Variants in KPNA3 observed in about 807,000 individuals in gnomAD.
KPNA3 encodes importin subunit alpha-4.
A neutral mutation model predicts 73.8 loss-of-function variants in KPNA3; 13 were observed. The observed-to-expected ratio is 0.18, with a 90% CI of 0.11 to 0.28. The LOEUF is 0.28. KPNA3 is among the 10% of genes least tolerant of loss of function. The pLI is 1.00. For missense variants in KPNA3, 360 were observed against 618.1 expected, an observed-to-expected ratio of 0.58 and a Z score of 4.43; for synonymous variants, 186 against 206.9, an observed-to-expected ratio of 0.90 and a Z score of 0.87.
chr13:49,705,934 A>G (rs1014754980), intron 14 of KPNA3, 151 bp from the exon 15 acceptor site: 2 of 960,464 alleles, frequency 2.1e-6, no homozygotes, highest in East Asian at 2.6e-5. Context: ...GTGAATAGCA[A>G]CTGCACTCTA....
chr13:49,708,909 T>C (rs1384948963), intron 12 of KPNA3, among the ~76,000 whole-genome samples: 2 of 152,214 alleles, frequency 1.3e-5, no homozygotes, highest in Non-Finnish European at 2.9e-5. Flanking sequence ...AAACTAATTT[T>C]GCTGGGAGAT....
chr13:49,702,262 G>A, intron 16 of KPNA3, 124 bp downstream of exon 16: 2 of 625,078 alleles, frequency 3.2e-6, no homozygotes, highest in Non-Finnish European at 5.6e-6. Context: ...CTGATGGAAT[G>A]TCTAATAGAA....
chr13:49,722,181 A>C, intron 8 of KPNA3, 57 bp from the exon 9 acceptor site: 1 of 1,189,840 alleles, frequency 8.4e-7, no homozygotes, highest in Non-Finnish European at 1.2e-6. Flanking sequence ...AGAAAGTCTG[A>C]AATGTATGCA....
chr13:49,791,868 C>G (rs764062380), intron 1 of KPNA3, among the ~76,000 whole-genome samples: 6 of 152,110 alleles, frequency 3.9e-5, no homozygotes, highest in African/African-American at 1.5e-4. Context: ...ATCCTACCCT[C>G]CCCCATCGAT....
intron 2 of KPNA3, among the ~76,000 whole-genome samples, chr13:49,744,339 T>C (rs1478164941): frequency 6.6e-6 from 1 of 152,212 alleles, no homozygotes. Context: ...CTTGCAAATA[T>C]GATTACCAAA....
In KPNA3 at chr13:49,733,173, T is replaced by TTAAA. The variant is rs376248706; in HGVS notation, c.115-131_115-128dup. 735 of 669,030 alleles carry TTAAA rather than the reference T, an allele frequency of 1.1e-3. 3 individuals are homozygous for TTAAA. The African/African-American group carries it at 0.012, about 11-fold the overall frequency. The allele number at this position is 669,030 out of a possible 1,614,324, so 41.4% of individuals were successfully genotyped here. ...ACTGAACACATAAGGATAATATGAA[T>TTAAA]TAAATGTGCATACTGCAAACCAATG... On this transcript the variant is annotated intron_variant, in intron 2 of 16. Transcript: ENST00000261667.
At chr13:49,780,233 A>G (rs1243546921) in intron 1 of KPNA3, among the ~76,000 whole-genome samples, 1 of 152,048 alleles carries the variant, frequency 6.6e-6, no homozygotes, top group African/African-American at 2.4e-5. Flanking sequence ...AACCACACTC[A>G]TTTGTTTGCC....
At chr13:49,765,878 C>T (rs1245312075) in intron 1 of KPNA3, among the ~76,000 whole-genome samples, 1 of 152,166 alleles carries the variant, frequency 6.6e-6, no homozygotes, top group East Asian at 1.9e-4. Flanking sequence ...GTGTGTTCTG[C>T]AAGTCCCATA....
At chr13:49,705,574 C>CA in intron 15 of KPNA3, 47 bp downstream of exon 15, 1 of 1,570,386 alleles carries the variant, frequency 6.4e-7, no homozygotes, top group Non-Finnish European at 8.7e-7. Context: ...ACTTATGTTT[C>CA]AGAGTTCCAG....
intron 2 of KPNA3, among the ~76,000 whole-genome samples, chr13:49,742,436 G>A (rs546555579): frequency 3.3e-5 from 5 of 152,150 alleles, no homozygotes; most frequent in African/African-American, 9.6e-5. Context: ...CAAGTAAGCC[G>A]TAGAAAGCAA....
rs1954156442 is a variant in KPNA3, at chr13:49,702,387, T to C, written c.1466A>G (p.Asp489Gly). The stretch of plus-strand genomic sequence containing the variant: ...CACGCTATTTTAATATCTACTTACA[T>C]CATCACCAGAGAAATACTGATCTAT... The part of the protein sequence containing the change: ...EIIDQYFSGD[D>G]IDEDPCLIPE... Residue 489 changes from aspartate to glycine, a missense_variant and splice_region_variant, in exon 16 of 17, where the codon GAT becomes GGT. Asp to Gly is a moderately conservative substitution (Grantham distance 94). Coordinates refer to ENST00000261667, the MANE Select transcript of KPNA3 (RefSeq NM_002267.4). The C allele has an allele frequency of 2.2e-6, 3 of 1,387,096 alleles. No homozygotes were observed. The highest frequency in any genetic ancestry group is 2.3e-5 in the East Asian group (1 of 43,368). 85.9% of individuals were successfully genotyped at this position (1,387,096 alleles called of 1,614,324 possible). A position where few individuals can be genotyped will look rare whatever the true frequency, so the allele number is the denominator to read the frequency against.
At position 49,792,566 on chromosome 13, in the gene KPNA3, C is replaced by T. The variant is rs1189639738; in HGVS notation, c.-60G>A. 3.2e-6 allele frequency: 2 copies of T among 620,266 alleles called. No individual in the cohort carries two copies. Among genetic ancestry groups the T allele is most frequent in the South Asian group, 2.3e-5 (1 of 43,520 alleles). 38.4% of individuals were successfully genotyped at this position (620,266 alleles called of 1,614,324 possible). A position where few individuals can be genotyped will look rare whatever the true frequency, so the allele number is the denominator to read the frequency against. On this transcript the variant is annotated 5_prime_UTR_variant, in exon 1 of 17. Transcript: ENST00000261667. The stretch of plus-strand genomic sequence containing the variant: ...GGCTGCGGCGGCGGCGGCGGCGAAT[C>T]TTGGAGCGGGAGGGGGAGGAGGGGG...
intron 10 of KPNA3, among the ~76,000 whole-genome samples, chr13:49,716,427 CACTTT>C (rs981762027): frequency 1.3e-5 from 2 of 151,990 alleles, no homozygotes; most frequent in African/African-American, 4.8e-5. Flanking sequence ...GCTTCTATCA[CACTTT>C]AATTTTATTT....
At chr13:49,724,710 CCT>C (rs1954393760) in intron 7 of KPNA3, among the ~76,000 whole-genome samples, 1 of 152,176 alleles carries the variant, frequency 6.6e-6, no homozygotes, top group Non-Finnish European at 1.5e-5. Context: ...GATCCTCTCG[CCT>C]CTGTCTCCTG....
At chr13:49,724,346 C>A (rs1954388443) in intron 7 of KPNA3, among the ~76,000 whole-genome samples, 2 of 151,990 alleles carry the variant, frequency 1.3e-5, no homozygotes, top group South Asian at 4.2e-4. Context: ...CTTTGTCACC[C>A]AGGCTGGAGT....
At chr13:49,770,178 GCTTT>G (rs1410462926) in intron 1 of KPNA3, among the ~76,000 whole-genome samples, 4 of 126,062 alleles carry the variant, frequency 3.2e-5, no homozygotes, top group African/African-American at 1.2e-4. Flanking sequence ...TTTGTGGGCT[GCTTT>G]TTTTTTTTTT....
At chr13:49,707,558 T>G (rs954442633) in intron 12 of KPNA3, among the ~76,000 whole-genome samples, 15 of 96,980 alleles carry the variant, frequency 1.5e-4, no homozygotes, top group Admixed American at 1.2e-4. Flanking sequence ...AGATGGCATT[T>G]CTATGAAATT....
At chr13:49,735,074 A>C (rs935135491) in intron 2 of KPNA3, among the ~76,000 whole-genome samples, 3 of 152,148 alleles carry the variant, frequency 2.0e-5, no homozygotes, top group African/African-American at 7.2e-5. Context: ...TTTAAATTGA[A>C]AACATCCTAA....
chr13:49,719,819 T>C lies in KPNA3; in HGVS notation c.727A>G (p.Ile243Val). ...PPPPMETVQEILPALCVLIYH... is the reference protein window; with the variant it reads ...PPPPMETVQEVLPALCVLIYH... Reference sequence around the variant, plus strand: ...ATGAGGACACATAAAGCTGGCAAAATCTGAGGAAAGAAAATAAACAATACT... The same window carrying C: ...ATGAGGACACATAAAGCTGGCAAAACCTGAGGAAAGAAAATAAACAATACT... The change falls in exon 10 of 17, where the codon ATT becomes GTT. Residue 243 changes from isoleucine (I) to valine (V), a missense_variant and splice_region_variant. By Grantham distance (29) the Ile-to-Val change is conservative. This residue lies in a region of KPNA3 where 287 missense variants were observed against 549.1 expected (regional missense o/e 0.52). Coordinates refer to ENST00000261667, the MANE Select transcript of KPNA3 (RefSeq NM_002267.4). 1 of 1,573,552 alleles carries C rather than the reference T, an allele frequency of 6.4e-7. No individual in the cohort carries two copies. The highest frequency in any genetic ancestry group is 8.7e-7 in the Non-Finnish European group (1 of 1,144,968).
Sources: allele counts gnomAD v4.1 joint callset (sites outside exome capture counted in the v4.1 genomes callset), GRCh38; gene constraint gnomAD v4.1.1; regional missense constraint gnomAD v4.1.1; transcripts MANE v1.5; gene names NCBI Gene and HGNC (gene_info 2026-07-23, HGNC 2026-07-21).